LRP2BP: variants seen among roughly 807,000 people sequenced by gnomAD.
LRP2BP encodes the protein LRP2 binding protein.
Under a neutral mutation model 45.2 loss-of-function variants are expected in LRP2BP, and 38 were observed. The ratio of observed to expected loss-of-function variants is 0.84; its 90% CI spans 0.65 to 1.10. The LOEUF (loss-of-function observed/expected upper bound fraction) is 1.10, where lower values mean the gene tolerates loss of function less well. Ranked by LOEUF, LRP2BP falls within the 50% of genes least tolerant of loss-of-function variation. The pLI is 0.00. For synonymous variants in LRP2BP, 153 were observed against 153.9 expected (o/e 0.99, Z 0.04); for missense variants, 385 against 418.9 (o/e 0.92, Z 0.71).
chr4:185,390,532 AG>A (rs1382638186), intron 1 of LRP2BP: 2 of 151,384 alleles, frequency 1.3e-5, no homozygotes, highest in Non-Finnish European at 1.5e-5. Context: ...AAAAAAAAAA[AG>A]AAAAAAGAAA....
At chr4:185,397,197 ACCCC>A, upstream of LRP2BP, 1 of 1,613,820 alleles carries the variant, frequency 6.2e-7, no homozygotes. Flanking sequence ...CGGTCAACGC[ACCCC>A]CGGATCCCTG....
intron 8 of LRP2BP, 99 bp downstream of exon 8, chr4:185,370,541 T>G (rs2095411265): frequency 8.1e-7 from 1 of 1,231,762 alleles, no homozygotes; most frequent in Non-Finnish European, 1.1e-6. Context: ...TGCACAGTAA[T>G]TGAGTAGAAA....
At position 185,395,098 on chromosome 4, in the gene LRP2BP, T is replaced by TTC. The variant is rs1554021399; in HGVS notation, c.-342_-341insGA. 1.4e-4 allele frequency: 142 copies of TTC among 985,138 alleles called. No individual in the cohort carries two copies. The highest frequency in any genetic ancestry group is 1.7e-4 in the Non-Finnish European group (141 of 829,874). The allele number at this position is 985,138 out of a possible 1,614,324, so 61.0% of individuals were successfully genotyped here. A position where few individuals can be genotyped will look rare whatever the true frequency, so the allele number is the denominator to read the frequency against. Reference sequence around the variant, plus strand: ...ATCCAGCTGAGATACAACTTTTTTTTCTGAAAACAATGTGAGCAATGGACA... The same window carrying TTC: ...ATCCAGCTGAGATACAACTTTTTTTTTCCTGAAAACAATGTGAGCAATGGACA... On this transcript the variant is annotated 5_prime_UTR_variant, in exon 1 of 9. Coordinates refer to ENST00000505916, the MANE Select transcript of LRP2BP (RefSeq NM_001377440.1).
At chr4:185,394,080 G>T (rs1305581930) in intron 1 of LRP2BP, among the ~76,000 whole-genome samples, 1 of 152,056 alleles carries the variant, frequency 6.6e-6, no homozygotes, top group African/African-American at 2.4e-5. Flanking sequence ...GCAACACAGT[G>T]AAACCCATCT....
rs1342894948 is a variant in LRP2BP, at chr4:185,395,338, TG to T, written c.-582del. ...TAACTGCAGTATTTATGTTCAAAAC[TG>T]TAAGAACGTGTCTGATACCCTTTAT... On this transcript the variant is annotated 5_prime_UTR_variant, in exon 1 of 9. Coordinates refer to ENST00000505916, the MANE Select transcript of LRP2BP (RefSeq NM_001377440.1). 21 of 985,326 alleles carry T rather than the reference TG, an allele frequency of 2.1e-5. No homozygotes were observed. Among genetic ancestry groups the T allele is most frequent in the Non-Finnish European group, 2.4e-5 (20 of 829,924 alleles). The allele number at this position is 985,326 out of a possible 1,614,324, so 61.0% of individuals were successfully genotyped here.
chr4:185,391,495 C>T lies in LRP2BP; in HGVS notation c.-22+3284G>A, dbSNP rs2095488272. Among the ~76,000 whole-genome samples, 3 of 152,124 alleles carry T rather than the reference C, an allele frequency of 2.0e-5. No homozygotes were observed. The South Asian group carries it at 6.2e-4, about 32-fold the overall frequency. ...GTAAAGAAGCATTGTCTTCTGTCTCCCATCTCCCATTTATTTATTTATTCA... is the reference window on the plus strand; with the variant it reads ...GTAAAGAAGCATTGTCTTCTGTCTCTCATCTCCCATTTATTTATTTATTCA... On this transcript the variant is annotated intron_variant, in intron 1 of 8. Coordinates refer to ENST00000505916, the MANE Select transcript of LRP2BP (RefSeq NM_001377440.1).
chr4:185,368,330 C>T (rs1228858972), intron 8 of LRP2BP, among the ~76,000 whole-genome samples: 4 of 152,274 alleles, frequency 2.6e-5, no homozygotes, highest in African/African-American at 4.8e-5. Flanking sequence ...GTGGCAGAGC[C>T]GAGAGCAGGC....
chr4:185,395,494 A>T lies in LRP2BP; in HGVS notation c.-737T>A, dbSNP rs1237571442. The T allele has an allele frequency of 5.1e-6, 5 of 985,192 alleles. No individual in the cohort carries two copies. The highest frequency in any genetic ancestry group is 6.0e-6 in the Non-Finnish European group (5 of 829,780). The allele number at this position is 985,192 out of a possible 1,614,324, so 61.0% of individuals were successfully genotyped here. A position where few individuals can be genotyped will look rare whatever the true frequency, so the allele number is the denominator to read the frequency against. On this transcript the variant is annotated 5_prime_UTR_variant, in exon 1 of 9. Transcript: ENST00000505916. ...ATATCAACGTGTGCTCACCTCACAA[A>T]TCTGACAACAGTATCTCTACACTGC...
chr4:185,376,895 A>G lies in LRP2BP; in HGVS notation c.216+14T>C, dbSNP rs376179682. On this transcript the variant is annotated intron_variant, in intron 3 of 8. Coordinates refer to ENST00000505916, the MANE Select transcript of LRP2BP (RefSeq NM_001377440.1). ...AATTACAGGAAATGAAAACGAATAA[A>G]CAAAAAATGATACCTCTTCAAAATA... is the stretch of plus-strand genomic sequence containing the variant. The G allele has an allele frequency of 1.3e-5, 20 of 1,577,336 alleles. No homozygotes were observed. Among genetic ancestry groups the G allele is most frequent in the African/African-American group, 4.1e-5 (3 of 73,996 alleles).
rs1168540691 is a variant in LRP2BP at position 185,376,440 on chromosome 4, C to G, written c.216+469G>C. On this transcript the variant is annotated intron_variant, in intron 3 of 8. Transcript: ENST00000505916. ...TACAGATGTGTGCCACCATGCCCAG[C>G]TACTTTTTTTTTTTTTTTTTTTTTT... Among the ~76,000 whole-genome samples the G allele has an allele frequency of 4.5e-5, 6 of 132,108 alleles. 1 individual carries two copies. The highest frequency in any genetic ancestry group is 1.6e-5 in the Non-Finnish European group (1 of 63,872). The allele number at this position is 132,108 out of a possible 152,430, so 86.7% of individuals were successfully genotyped here.
chr4:185,385,087 G>A (rs2095467053), intron 1 of LRP2BP, among the ~76,000 whole-genome samples: 1 of 152,142 alleles, frequency 6.6e-6, no homozygotes, highest in South Asian at 2.1e-4. Context: ...GGATGAAAGA[G>A]TCCAGTAGCT....
At position 185,370,692 on chromosome 4, in the gene LRP2BP, A is replaced by G. The variant is rs779435362; in HGVS notation, c.926T>C (p.Leu309Pro). The G allele has an allele frequency of 6.2e-7, 1 of 1,614,120 alleles. No homozygotes were observed. The highest frequency in any genetic ancestry group is 2.2e-5 in the East Asian group (1 of 44,864). Reference sequence around the variant, plus strand: ...TTCATCCCTGGTGATGCCCAAGCCAAGCTGAAGACACCTTGCGTGGTAGAA... The same window carrying G: ...TTCATCCCTGGTGATGCCCAAGCCAGGCTGAAGACACCTTGCGTGGTAGAA... ...ASFYHARCLQ[L>P]GLGITRDETT... Residue 309 changes from leucine (L) to proline (P), a missense_variant, in exon 8 of 9, where the codon CTT becomes CCT. By Grantham distance (98) the Leu-to-Pro change is moderately conservative (BLOSUM62 -3). Coordinates refer to ENST00000505916, the MANE Select transcript of LRP2BP (RefSeq NM_001377440.1).
Position 185,386,210 on chromosome 4 carries a change from G to A in LRP2BP, c.-21-8003C>T, listed in dbSNP as rs535083001. Among the ~76,000 whole-genome samples the A allele has an allele frequency of 1.3e-3, 202 of 152,316 alleles. 1 individual carries two copies. The highest frequency in any genetic ancestry group is 9.6e-4 in the Non-Finnish European group (65 of 68,020). ...AAGCATAATTATCTTTCTTGTACAT[G>A]ATGATTGGATCTCTGGGAATCCAAA... is the stretch of plus-strand genomic sequence containing the variant. On this transcript the variant is annotated intron_variant, in intron 1 of 8. Coordinates refer to ENST00000505916, the MANE Select transcript of LRP2BP (RefSeq NM_001377440.1).
chr4:185,395,503 C>A lies in LRP2BP; in HGVS notation c.-746G>T, dbSNP rs560622798. The A allele has an allele frequency of 5.1e-6, 5 of 985,236 alleles. No individual in the cohort carries two copies. The African/African-American group carries it at 8.7e-5, about 17-fold the overall frequency. The allele number at this position is 985,236 out of a possible 1,614,324, so 61.0% of individuals were successfully genotyped here. On this transcript the variant is annotated 5_prime_UTR_variant, in exon 1 of 9. Transcript: ENST00000505916. ...TGTGCTCACCTCACAAATCTGACAA[C>A]AGTATCTCTACACTGCCGTTCTTTA...
At chr4:185,383,288 G>GT (rs778056944) in intron 1 of LRP2BP, among the ~76,000 whole-genome samples, 2 of 152,094 alleles carry the variant, frequency 1.3e-5, no homozygotes, top group Non-Finnish European at 2.9e-5. Context: ...ACAGGGCAAC[G>GT]TAGTGAGGCC....
chr4:185,383,094 TC>T (rs2095460208), intron 1 of LRP2BP, among the ~76,000 whole-genome samples: 1 of 152,238 alleles, frequency 6.6e-6, no homozygotes, highest in African/African-American at 2.4e-5. Context: ...TGTTATACTT[TC>T]ACCTCAGTAG....
intron 8 of LRP2BP, among the ~76,000 whole-genome samples, chr4:185,368,528 G>A (rs1194830426): frequency 6.6e-6 from 1 of 152,156 alleles, no homozygotes; most frequent in Non-Finnish European, 1.5e-5. Context: ...CCGCTGTCGG[G>A]ACACCTTGTG....
intron 1 of LRP2BP, among the ~76,000 whole-genome samples, chr4:185,383,463 G>A (rs1580001990): frequency 6.6e-6 from 1 of 152,220 alleles, no homozygotes; most frequent in South Asian, 2.1e-4. Flanking sequence ...CTGGGTGACA[G>A]AGTGAGACCC....
rs2095500865 is a variant in LRP2BP, at chr4:185,395,870, G to C, written c.-1113C>G. On this transcript the variant is annotated 5_prime_UTR_variant, in exon 1 of 9. Coordinates refer to ENST00000505916, the MANE Select transcript of LRP2BP (RefSeq NM_001377440.1). The stretch of plus-strand genomic sequence containing the variant: ...AAATGTAGGGGAAAAGAAACACTCG[G>C]CTGGAGCTTTGGTTTCTAAGCAGAT... 2.0e-6 allele frequency: 2 copies of C among 985,360 alleles called. No individual in the cohort carries two copies. Among genetic ancestry groups the C allele is most frequent in the South Asian group, 9.4e-5 (2 of 21,298 alleles). The allele number at this position is 985,360 out of a possible 1,614,324, so 61.0% of individuals were successfully genotyped here.
Sources: gnomAD v4.1 joint callset for allele counts (sites outside exome capture counted in the v4.1 genomes callset) on GRCh38, gnomAD v4.1.1 for gene constraint, MANE v1.5 for transcripts, NCBI Gene and HGNC (gene_info 2026-07-23, HGNC 2026-07-21) for gene names.